The following ZXDC variants were observed in gnomAD, a reference collection of about 807,000 sequenced individuals.
The protein encoded by ZXDC is zinc finger protein ZXDC.
In ZXDC, 58 loss-of-function variants were observed where a neutral mutation model predicts 63.6. That is an observed-to-expected ratio of 0.91 (90% CI 0.74 to 1.13). ZXDC has a LOEUF of 1.13. Among genes scored for constraint, ZXDC ranks in the 50% most tolerant of loss-of-function variants. The pLI is 0.00. For synonymous variants in ZXDC, 561 were observed against 496.1 expected (o/e 1.13, Z -1.74); for missense variants, 1,133 against 1,148.9 (o/e 0.99, Z 0.20).
intron 3 of ZXDC, among the ~76,000 whole-genome samples, chr3:126,471,285 A>T (rs968028936): frequency 6.6e-6 from 1 of 152,218 alleles, no homozygotes; most frequent in African/African-American, 2.4e-5. Context: ...ATATAAGCTA[A>T]TCTAAGAACA....
At position 126,438,046 on chromosome 3, in the gene ZXDC, CT is replaced by C; in HGVS notation, c.*328del. On this transcript the variant is annotated 3_prime_UTR_variant, in exon 10 of 10. Transcript: ENST00000389709. ...TCTCTACCCTATTTCCTGCAGAAGTCTTTTTCTTTGTAATGCAACAAGTGCT... is the reference window on the plus strand; with the variant it reads ...TCTCTACCCTATTTCCTGCAGAAGTCTTTTCTTTGTAATGCAACAAGTGCT... 1 of 324,416 alleles carries C rather than the reference CT, an allele frequency of 3.1e-6. No homozygotes were observed. The highest frequency in any genetic ancestry group is 5.7e-6 in the Non-Finnish European group (1 of 173,964). The allele number at this position is 324,416 out of a possible 1,614,324, so 20.1% of individuals were successfully genotyped here.
intron 4 of ZXDC, among the ~76,000 whole-genome samples, chr3:126,467,256 AGCAGTGCAGGCACCCCAGCC>A (rs2107654456): frequency 1.3e-5 from 2 of 152,318 alleles, no homozygotes; most frequent in Admixed American, 1.3e-4. Context: ...CATGAAGGGC[AGCAGTGCAGGCACCCCAGCC>A]TGGGTTCCAG....
Position 126,471,574 on chromosome 3 carries a change from T to A in ZXDC, c.1139+399A>T, listed in dbSNP as rs78301273. On this transcript the variant is annotated intron_variant, in intron 3 of 9. Transcript: ENST00000389709. Reference sequence around the variant, plus strand: ...GAGAATAAGAACATTAGCTTTGAGGTTGTTGGGAAGGTAGAAGACACACAT... The same window carrying A: ...GAGAATAAGAACATTAGCTTTGAGGATGTTGGGAAGGTAGAAGACACACAT... Among the ~76,000 whole-genome samples the A allele has an allele frequency of 3.9e-3, 594 of 152,110 alleles. 5 individuals carry two copies. The highest frequency in any genetic ancestry group is 0.014 in the African/African-American group (563 of 41,500).
At chr3:126,438,856 C>A (rs892154634) in intron 9 of ZXDC, among the ~76,000 whole-genome samples, 1 of 152,172 alleles carries the variant, frequency 6.6e-6, no homozygotes, top group African/African-American at 2.4e-5. Context: ...TATGGAGGCC[C>A]CATCTAGCCT....
At chr3:126,455,439 T>A (rs565817920) in intron 7 of ZXDC, among the ~76,000 whole-genome samples, 1 of 152,310 alleles carries the variant, frequency 6.6e-6, no homozygotes, top group African/African-American at 2.4e-5. Flanking sequence ...AGTGTCTGCA[T>A]GTTGGATTCT....
At chr3:126,471,909 T>C in intron 3 of ZXDC, 64 bp downstream of exon 3, 1 of 1,361,094 alleles carries the variant, frequency 7.3e-7, no homozygotes, top group South Asian at 1.3e-5. Context: ...CATTCATTGG[T>C]TTCTGCTGCT....
Position 126,461,561 on chromosome 3 carries a change from T to C in ZXDC, c.2101A>G (p.Ser701Gly). ...EQHGAQDTEL[S>G]AGTGNFYLES... ...AAATAGAAGTTGCCAGTGCCTGCAC[T>C]GAGCTCTGTGTCCTGGGCACCGTGC... The change falls in exon 6 of 10, where the codon AGT (serine) becomes GGT (glycine). Residue 701 changes from serine (S) to glycine (G), a missense_variant. Coordinates refer to ENST00000389709, the MANE Select transcript of ZXDC (RefSeq NM_025112.5). The C allele has an allele frequency of 2.5e-6, 4 of 1,613,418 alleles. No individual in the cohort carries two copies. In the South Asian group the frequency reaches 4.4e-5, roughly 18 times the overall value.
intron 8 of ZXDC, chr3:126,440,811 C>T: frequency 2.0e-6 from 2 of 986,648 alleles, no homozygotes; most frequent in Non-Finnish European, 2.4e-6. Flanking sequence ...CCTTCCCAGC[C>T]CACCTCTGCC....
chr3:126,463,163 G>A, intron 5 of ZXDC, among the ~76,000 whole-genome samples: 1 of 152,058 alleles, frequency 6.6e-6, no homozygotes, highest in East Asian at 1.9e-4. Context: ...CCGCCTCCCG[G>A]GTTCACCCCG....
chr3:126,456,186 G>C (rs1181577638), intron 7 of ZXDC, among the ~76,000 whole-genome samples: 1 of 152,244 alleles, frequency 6.6e-6, no homozygotes, highest in Non-Finnish European at 1.5e-5. Context: ...AAAGCTTAAA[G>C]AGAAACAGGG....
intron 7 of ZXDC, among the ~76,000 whole-genome samples, chr3:126,445,416 G>A (rs1933845342): frequency 6.6e-6 from 1 of 152,010 alleles, no homozygotes. Flanking sequence ...AAGCTGGCAA[G>A]CCCGGCTCAT....
At chr3:126,464,632 A>G (rs899944416) in intron 5 of ZXDC, among the ~76,000 whole-genome samples, 2 of 152,140 alleles carry the variant, frequency 1.3e-5, no homozygotes, top group African/African-American at 4.8e-5. Flanking sequence ...TGCATCTAGT[A>G]TAACACTGGG....
At chr3:126,449,917 C>T (rs529663132) in intron 7 of ZXDC, among the ~76,000 whole-genome samples, 19 of 152,328 alleles carry the variant, frequency 1.2e-4, no homozygotes, top group East Asian at 1.2e-3. Context: ...GACAGCAGGA[C>T]GCTCTGTGGA....
rs1934576454 is a variant in ZXDC, at chr3:126,462,106, GGT to G, written c.1554_1555del (p.Pro519CysfsTer4). On this transcript the variant is annotated frameshift_variant, in exon 6 of 10. Transcript: ENST00000389709. LOFTEE classifies it high-confidence loss of function. The stretch of plus-strand genomic sequence containing the variant: ...ACCTGCAGAACCACTAGCATTGGCA[GGT>G]GTGTCAGAGAAGAGTGCAGCAAGAT... The G allele has an allele frequency of 1.2e-6, 2 of 1,613,960 alleles. No individual in the cohort carries two copies. The highest frequency in any genetic ancestry group is 2.7e-5 in the African/African-American group (2 of 74,932).
rs767990158 is a variant in ZXDC at position 126,475,323 on chromosome 3, C to T, written c.543G>A (p.Gln181=). 1.5e-5 allele frequency: 23 copies of T among 1,544,128 alleles called. No individual in the cohort carries two copies. Among genetic ancestry groups the T allele is most frequent in the Non-Finnish European group, 1.4e-5 (16 of 1,143,536 alleles). Residue 181 remains glutamine, a synonymous_variant, in exon 1 of 10, where the codon CAG becomes CAA. Transcript: ENST00000389709. ...STPGYRCPEP[Q]CALAFAKKHQ... ...GCTTCTTGGCGAAGGCCAGCGCGCACTGCGGCTCGGGGCAGCGGTAGCCGG... is the reference window on the plus strand; with the variant it reads ...GCTTCTTGGCGAAGGCCAGCGCGCATTGCGGCTCGGGGCAGCGGTAGCCGG...
At position 126,470,936 on chromosome 3, in the gene ZXDC, A is replaced by G; in HGVS notation, c.1229T>C (p.Ile410Thr). ...GAACGGCTTTGTGCCTAGGTGGGTTATGCTGTGGCCTTTCAGATGCTCTGC... is the reference window on the plus strand; with the variant it reads ...GAACGGCTTTGTGCCTAGGTGGGTTGTGCTGTGGCCTTTCAGATGCTCTGC... ...TRAEHLKGHS[I>T]THLGTKPFEC... is the part of the protein sequence containing the mutation. Residue 410 changes from isoleucine (I) to threonine (T), a missense_variant, in exon 4 of 10, where the codon ATA (isoleucine) becomes ACA (threonine). Physicochemically the swap from Ile to Thr is moderately conservative, Grantham distance 89. Coordinates refer to ENST00000389709, the MANE Select transcript of ZXDC (RefSeq NM_025112.5). The G allele has an allele frequency of 6.2e-7, 1 of 1,614,232 alleles. No homozygotes were observed. Among genetic ancestry groups the G allele is most frequent in the Middle Eastern group, 1.6e-4 (1 of 6,062 alleles).
Position 126,461,822 on chromosome 3 carries a change from C to T in ZXDC, c.1840G>A (p.Ala614Thr). The change falls in exon 6 of 10, where the codon GCT becomes ACT. Residue 614 changes from alanine (A) to threonine (T), a missense_variant. By Grantham distance (58) the Ala-to-Thr change is moderately conservative. Coordinates refer to ENST00000389709, the MANE Select transcript of ZXDC (RefSeq NM_025112.5). ...TCACTCAAGTTCTTCATGGGCAGAGCCACCAGACAGCCTAATGCTCCTGCA... is the reference window on the plus strand; with the variant it reads ...TCACTCAAGTTCTTCATGGGCAGAGTCACCAGACAGCCTAATGCTCCTGCA... ...VSAGALGCLV[A>T]LPMKNLSDDP... 1.2e-6 allele frequency: 2 copies of T among 1,614,140 alleles called. 1 individual carries two copies. Among genetic ancestry groups the T allele is most frequent in the South Asian group, 2.2e-5 (2 of 91,074 alleles).
chr3:126,462,256 G>A, intron 5 of ZXDC, 36 bp from the exon 6 acceptor site: 1 of 1,541,486 alleles, frequency 6.5e-7, no homozygotes, highest in South Asian at 1.2e-5. Context: ...GTTACTTTAT[G>A]ACCTTGAAGA....
chr3:126,455,132 A>G, intron 7 of ZXDC: 1 of 983,930 alleles, frequency 1.0e-6, no homozygotes, highest in Non-Finnish European at 1.2e-6. Context: ...CAAATGTTGA[A>G]ACCAAAAAAT....
Sources: allele counts gnomAD v4.1 joint callset (sites outside exome capture counted in the v4.1 genomes callset), GRCh38; gene constraint gnomAD v4.1.1; transcripts MANE v1.5; gene names NCBI Gene and HGNC (gene_info 2026-07-23, HGNC 2026-07-21).